Variants in ENAH observed in about 807,000 individuals in gnomAD.
ENAH encodes the protein ENAH actin regulator, also known as protein enabled homolog.
In ENAH, 23 loss-of-function variants were observed where a neutral mutation model predicts 78.7. The ratio of observed to expected loss-of-function variants is 0.29; its 90% CI spans 0.21 to 0.41. ENAH has a LOEUF of 0.41. Among genes scored for constraint, ENAH ranks in the 10% least tolerant of loss-of-function variants. ENAH has a pLI of 1.00. For missense variants in ENAH, 544 were observed against 691.0 expected (o/e 0.79, Z 2.39); for synonymous variants, 226 against 241.0 (o/e 0.94, Z 0.58).
intron 1 of ENAH, among the ~76,000 whole-genome samples, chr1:225,588,623 C>A (rs1489178579): frequency 1.3e-5 from 2 of 152,044 alleles, no homozygotes; most frequent in Non-Finnish European, 2.9e-5. Flanking sequence ...GCCTGGCCAA[C>A]ACGGTGAAAC....
rs189813142 is a variant in ENAH, at chr1:225,508,015, G to A, written c.1474C>T (p.Pro492Ser). Residue 492 changes from proline to serine, a missense_variant and splice_region_variant, in exon 11 of 14, where the codon CCA becomes TCA. Pro to Ser is a moderately conservative substitution (Grantham distance 74). Transcript: ENST00000366843. Reference sequence around the variant, plus strand: ...GTTCTTTCCCAAGGTTTTCTTGTTGGTTCTTTAAAAATAAAAAACAAAAGC... The same window carrying A: ...GTTCTTTCCCAAGGTTTTCTTGTTGATTCTTTAAAAATAAAAAACAAAAGC... ...SKASSTSTPEPTRKPWERTNT... is the reference protein window; with the variant it reads ...SKASSTSTPESTRKPWERTNT... 1.9e-5 allele frequency: 30 copies of A among 1,540,618 alleles called. No individual in the cohort carries two copies. The East Asian group carries it at 7.0e-4, about 36-fold the overall frequency.
At chr1:225,517,043 A>AT (rs2096424626) in intron 6 of ENAH, among the ~76,000 whole-genome samples, 153 bp downstream of exon 6, 1 of 151,342 alleles carries the variant, frequency 6.6e-6, no homozygotes, top group Non-Finnish European at 1.5e-5. Context: ...TTCTACTTTA[A>AT]TTTTTTTAAT....
chr1:225,601,235 T>C (rs1235131117), intron 1 of ENAH, among the ~76,000 whole-genome samples: 1 of 152,046 alleles, frequency 6.6e-6, no homozygotes, highest in Non-Finnish European at 1.5e-5. Flanking sequence ...AAGGTTCCAA[T>C]TACGGCCAGG....
chr1:225,569,677 T>A (rs1414408206), intron 1 of ENAH, among the ~76,000 whole-genome samples: 1 of 152,090 alleles, frequency 6.6e-6, no homozygotes, highest in Non-Finnish European at 1.5e-5. Flanking sequence ...CATATCCAAG[T>A]AGCCAAGAAA....
At chr1:225,649,304 G>A (rs1051415341) in intron 1 of ENAH, among the ~76,000 whole-genome samples, 1 of 151,656 alleles carries the variant, frequency 6.6e-6, no homozygotes, top group Non-Finnish European at 1.5e-5. Context: ...ATTTTAATAC[G>A]GATCCAAGAA....
At chr1:225,634,480 C>T (rs1659699264) in intron 1 of ENAH, among the ~76,000 whole-genome samples, 1 of 152,084 alleles carries the variant, frequency 6.6e-6, no homozygotes, top group Admixed American at 6.6e-5. Context: ...TGGGTACAAA[C>T]TAGGGATACT....
intron 3 of ENAH, among the ~76,000 whole-genome samples, chr1:225,542,573 T>A (rs1444662711): frequency 1.3e-5 from 2 of 152,220 alleles, no homozygotes; most frequent in Admixed American, 1.3e-4. Context: ...GCAACCTCTA[T>A]CTAAAACAAC....
intron 1 of ENAH, among the ~76,000 whole-genome samples, chr1:225,600,985 T>C (rs1449068603): frequency 6.6e-6 from 1 of 152,030 alleles, no homozygotes; most frequent in Middle Eastern, 3.4e-3. Context: ...CTGAAATTTT[T>C]CCCCAAAAAA....
rs528039142 is a variant in ENAH at position 225,601,969 on chromosome 1, G to T, written c.6-34555C>A. On this transcript the variant is annotated intron_variant, in intron 1 of 13. Transcript: ENST00000366843. ...AAAAGCCAAATAAATAAAAAGGAAA[G>T]AAATAATAAAGGACAGAAATCAATG... Among the ~76,000 whole-genome samples the T allele has an allele frequency of 1.3e-4, 19 of 151,790 alleles. No homozygotes were observed. In the South Asian group the frequency reaches 1.7e-3, roughly 13 times the overall value.
At chr1:225,596,014 G>A (rs957857000) in intron 1 of ENAH, among the ~76,000 whole-genome samples, 1 of 151,990 alleles carries the variant, frequency 6.6e-6, no homozygotes, top group Admixed American at 6.6e-5. Flanking sequence ...TAAAAATTTA[G>A]AAACTATAGT....
chr1:225,606,181 G>T (rs2096954675), intron 1 of ENAH, among the ~76,000 whole-genome samples: 1 of 152,046 alleles, frequency 6.6e-6, no homozygotes, highest in East Asian at 1.9e-4. Flanking sequence ...CCATATTTTG[G>T]CCAGGTGCAG....
At chr1:225,582,880 A>AACCACAAGTAGG (rs1379410381) in intron 1 of ENAH, among the ~76,000 whole-genome samples, 1 of 152,248 alleles carries the variant, frequency 6.6e-6, no homozygotes, top group Non-Finnish European at 1.5e-5. Flanking sequence ...AGAGCAAAGC[A>AACCACAAGTAGG]TATTCAATCT....
chr1:225,652,392 G>C (rs1228599222), intron 1 of ENAH: 3 of 985,296 alleles, frequency 3.0e-6, no homozygotes, highest in Admixed American at 6.1e-5. Flanking sequence ...CAAAGGCTTG[G>C]GGGAGGGAGC....
At chr1:225,643,875 T>C (rs1661506931) in intron 1 of ENAH, among the ~76,000 whole-genome samples, 1 of 152,132 alleles carries the variant, frequency 6.6e-6, no homozygotes, top group African/African-American at 2.4e-5. Context: ...AGTTCGAGGC[T>C]GCAGTAAGCT....
chr1:225,591,227 G>A (rs1443365894), intron 1 of ENAH, among the ~76,000 whole-genome samples: 1 of 152,178 alleles, frequency 6.6e-6, no homozygotes, highest in South Asian at 2.1e-4. Flanking sequence ...CCAGCCCTTT[G>A]GGAGGCCAAG....
At chr1:225,529,782 G>A (rs919128780) in intron 4 of ENAH, among the ~76,000 whole-genome samples, 4 of 152,258 alleles carry the variant, frequency 2.6e-5, no homozygotes, top group Middle Eastern at 3.4e-3. Context: ...TAGAGAGAAC[G>A]GGAATGAGCA....
chr1:225,516,737 G>A (rs962910954), intron 6 of ENAH, among the ~76,000 whole-genome samples: 2 of 152,032 alleles, frequency 1.3e-5, no homozygotes, highest in African/African-American at 4.8e-5. Flanking sequence ...AGCCAGGCGT[G>A]GTGGCATGTG....
chr1:225,626,080 G>A (rs1170786075), intron 1 of ENAH, among the ~76,000 whole-genome samples: 1 of 152,112 alleles, frequency 6.6e-6, no homozygotes, highest in South Asian at 2.1e-4. Context: ...CTGGAATAAT[G>A]GGAATCTAGA....
At chr1:225,601,778 T>TAA (rs139782448) in intron 1 of ENAH, among the ~76,000 whole-genome samples, 1 of 151,116 alleles carries the variant, frequency 6.6e-6, no homozygotes, top group South Asian at 2.1e-4. Flanking sequence ...ATTTGGAAAC[T>TAA]AAAAAAAATA....
Sources: gnomAD v4.1 joint callset for allele counts (sites outside exome capture counted in the v4.1 genomes callset) on GRCh38, gnomAD v4.1.1 for gene constraint, MANE v1.5 for transcripts, NCBI Gene and HGNC (gene_info 2026-07-23, HGNC 2026-07-21) for gene names.